NBAS: variants seen among roughly 807,000 people sequenced by gnomAD.
The protein encoded by NBAS is NAG/BC035112 fusion.
Under a neutral mutation model 302.5 loss-of-function variants are expected in NBAS, and 219 were observed. The ratio of observed to expected loss-of-function variants is 0.72; its 90% CI spans 0.65 to 0.81. The LOEUF is 0.81. NBAS is among the 30% of genes least tolerant of loss of function. The pLI is 0.00. For missense variants in NBAS, 2,932 were observed against 2,841.6 expected, an observed-to-expected ratio of 1.03 and a Z score of -0.72; for synonymous variants, 1,118 against 1,021.6, an observed-to-expected ratio of 1.09 and a Z score of -1.80.
In NBAS at chr2:15,319,798, C is replaced by T. The variant is rs1435586587; in HGVS notation, c.4582+7952G>A. On this transcript the variant is annotated intron_variant, in intron 38 of 51. Coordinates refer to ENST00000281513, the MANE Select transcript of NBAS (RefSeq NM_015909.4). ...AAGTCCAGAACCAGAGATTCACAGC[C>T]GAATTCTTCCAGAGGTACAGAGAGG... Among the ~76,000 whole-genome samples the T allele has an allele frequency of 2.6e-5, 4 of 152,180 alleles. 1 individual carries two copies. In the South Asian group the frequency reaches 6.2e-4, roughly 24 times the overall value.
chr2:15,221,944 T>C (rs1463922446), intron 47 of NBAS, among the ~76,000 whole-genome samples: 1 of 152,156 alleles, frequency 6.6e-6, no homozygotes, highest in African/African-American at 2.4e-5. Flanking sequence ...CTGCCCACAT[T>C]TGCCACTTCC....
At chr2:15,084,626 T>C in the NBAS span, among the ~76,000 whole-genome samples, 1 of 151,024 alleles carries the variant, frequency 6.6e-6, no homozygotes, top group Non-Finnish European at 1.5e-5. Context: ...GAGCCTTCCA[T>C]CTTCCACTTC....
downstream of NBAS, chr2:15,166,829 A>C (rs527595782): frequency 4.0e-6 from 2 of 498,206 alleles, no homozygotes; most frequent in Admixed American, 3.8e-5. Flanking sequence ...GAGGGTGGGA[A>C]GGAAGAGTCT....
At chr2:15,404,616 G>A (rs1028328580) in intron 25 of NBAS, among the ~76,000 whole-genome samples, 1 of 151,638 alleles carries the variant, frequency 6.6e-6, no homozygotes, top group Non-Finnish European at 1.5e-5. Context: ...AGGTCCAAGC[G>A]ATTCTCCTGC....
At chr2:15,438,100 G>C (rs1233724963) in intron 21 of NBAS, among the ~76,000 whole-genome samples, 1 of 152,210 alleles carries the variant, frequency 6.6e-6, no homozygotes, top group Non-Finnish European at 1.5e-5. Context: ...GTTGTTCGCA[G>C]TAATGAAAAG....
intron 35 of NBAS, among the ~76,000 whole-genome samples, chr2:15,349,543 C>G (rs1271789545): frequency 1.3e-5 from 2 of 152,218 alleles, no homozygotes; most frequent in African/African-American, 2.4e-5. Flanking sequence ...CTACTGCCTG[C>G]AGTGCTGGTG....
At chr2:15,534,308 G>C (rs892931024) in intron 9 of NBAS, among the ~76,000 whole-genome samples, 8 of 152,152 alleles carry the variant, frequency 5.3e-5, no homozygotes, top group Non-Finnish European at 7.3e-5. Context: ...GTTAAAAGAG[G>C]AGAATAAATT....
At chr2:15,036,615 G>A in the NBAS span, among the ~76,000 whole-genome samples, 12 of 152,274 alleles carry the variant, frequency 7.9e-5, no homozygotes, top group Admixed American at 5.2e-4. Flanking sequence ...CTGTACCCTC[G>A]TTCCAGATAT....
intron 32 of NBAS, among the ~76,000 whole-genome samples, chr2:15,366,361 G>C (rs1178694373): frequency 6.6e-6 from 1 of 152,102 alleles, no homozygotes; most frequent in Non-Finnish European, 1.5e-5. Flanking sequence ...AATTTTTCTA[G>C]AAAATACTAA....
At chr2:15,163,969 G>C (rs1411458420), downstream of NBAS, among the ~76,000 whole-genome samples, 1 of 152,058 alleles carries the variant, frequency 6.6e-6, no homozygotes, top group Non-Finnish European at 1.5e-5. Flanking sequence ...GCTAATTTTT[G>C]TATTTTTAGG....
At chr2:15,152,531 G>C in the NBAS span, among the ~76,000 whole-genome samples, 2 of 152,148 alleles carry the variant, frequency 1.3e-5, no homozygotes, top group African/African-American at 2.4e-5. Context: ...CCAATCACAG[G>C]GTGCTAACTG....
Position 15,383,317 on chromosome 2 carries a change from C to T in NBAS, c.3258G>A (p.Lys1086=), listed in dbSNP as rs1193685435. Residue 1086 remains lysine, a splice_region_variant and synonymous_variant, in exon 29 of 52, where the codon AAG becomes AAA. Transcript: ENST00000281513. ...AATGAGACTCACTGACAGGAGGCTG[C>T]CTGGAAAAACACATAAAAAAGACAA... The part of the protein sequence containing the change: ...MVRLTRHTGR[K]QPPVSESHWR... 1.9e-6 allele frequency: 3 copies of T among 1,611,894 alleles called. No homozygotes were observed. The highest frequency in any genetic ancestry group is 1.1e-5 in the South Asian group (1 of 91,026).
At chr2:15,094,029 A>G in the NBAS span, among the ~76,000 whole-genome samples, 11,001 of 152,250 alleles carry the variant, frequency 0.072, 679 homozygotes, top group African/African-American at 0.17. Flanking sequence ...AGTTGTATTC[A>G]TTGTTAATAA....
intron 11 of NBAS, among the ~76,000 whole-genome samples, chr2:15,502,138 C>T (rs1661598343): frequency 6.6e-6 from 1 of 152,120 alleles, no homozygotes; most frequent in Non-Finnish European, 1.5e-5. Flanking sequence ...CAACAGAAGA[C>T]CAAACACATC....
At chr2:15,523,906 T>C (rs903122636) in intron 9 of NBAS, among the ~76,000 whole-genome samples, 12 of 152,276 alleles carry the variant, frequency 7.9e-5, no homozygotes, top group African/African-American at 2.9e-4. Flanking sequence ...AGAGTGAGAT[T>C]CTGTCTCTAA....
chr2:15,400,606 G>C (rs1053416168), intron 26 of NBAS, among the ~76,000 whole-genome samples: 5 of 152,194 alleles, frequency 3.3e-5, no homozygotes, highest in Non-Finnish European at 7.3e-5. Flanking sequence ...GAAAGTATTT[G>C]CTTTTTGAAG....
At chr2:14,950,635 A>G in the NBAS span, among the ~76,000 whole-genome samples, 2 of 151,966 alleles carry the variant, frequency 1.3e-5, no homozygotes, top group Non-Finnish European at 2.9e-5. Flanking sequence ...GTAACAGGTG[A>G]GGACAATACA....
intron 5 of NBAS, among the ~76,000 whole-genome samples, chr2:15,552,275 G>C (rs1664418613): frequency 6.6e-6 from 1 of 152,102 alleles, no homozygotes; most frequent in Admixed American, 6.5e-5. Flanking sequence ...AGTATAAAGA[G>C]ATTAAACTTT....
At chr2:14,942,398 G>C in the NBAS span, among the ~76,000 whole-genome samples, 1 of 152,122 alleles carries the variant, frequency 6.6e-6, no homozygotes, top group Non-Finnish European at 1.5e-5. Flanking sequence ...CATGAGATCT[G>C]TTTAAAAATT....
Sources: gnomAD v4.1 joint callset for allele counts (sites outside exome capture counted in the v4.1 genomes callset) on GRCh38, gnomAD v4.1.1 for gene constraint, MANE v1.5 for transcripts, NCBI Gene and HGNC (gene_info 2026-07-23, HGNC 2026-07-21) for gene names.